LOXHD1: variants seen among roughly 807,000 people sequenced by gnomAD.
The protein encoded by LOXHD1 is lipoxygenase homology PLAT domains 1.
A neutral mutation model predicts 248.2 loss-of-function variants in LOXHD1; 205 were observed. The ratio of observed to expected loss-of-function variants is 0.83; its 90% CI spans 0.74 to 0.93. LOXHD1 has a LOEUF of 0.93. Ranked by LOEUF, LOXHD1 falls within the 40% of genes least tolerant of loss-of-function variation. The pLI, the probability that LOXHD1 is intolerant of heterozygous loss-of-function variation, is 0.00. For missense variants in LOXHD1, 2,930 were observed against 2,971.6 expected (o/e 0.99, Z 0.33); for synonymous variants, 1,113 against 1,162.8 (o/e 0.96, Z 0.87).
intron 2 of LOXHD1, among the ~76,000 whole-genome samples, chr18:46,647,339 G>T (rs1376482765): frequency 6.6e-6 from 1 of 152,172 alleles, no homozygotes; most frequent in African/African-American, 2.4e-5. Context: ...GGTGGCTCAG[G>T]GGCCCTTCCT....
intron 5 of LOXHD1, among the ~76,000 whole-genome samples, chr18:46,612,273 G>T (rs1291139624): frequency 6.6e-6 from 1 of 152,144 alleles, no homozygotes; most frequent in Non-Finnish European, 1.5e-5. Context: ...GAACCCTGAG[G>T]TGTGCTCATC....
At chr18:46,582,138 A>G (rs778811874) in intron 12 of LOXHD1, among the ~76,000 whole-genome samples, 1 of 152,196 alleles carries the variant, frequency 6.6e-6, no homozygotes, top group Non-Finnish European at 1.5e-5. Flanking sequence ...ATACATAGAA[A>G]ATATGCAAGT....
At chr18:46,478,050 C>A (rs933619813) in intron 40 of LOXHD1, 98 bp from the exon 41 acceptor site, 25 of 1,432,176 alleles carry the variant, frequency 1.7e-5, no homozygotes, top group African/African-American at 1.1e-4. Flanking sequence ...ATAAATGATC[C>A]CTTCCCAAGG....
At chr18:46,592,416 T>C (rs914593746) in intron 11 of LOXHD1, 82 bp downstream of exon 11, 1 of 1,211,288 alleles carries the variant, frequency 8.3e-7, no homozygotes, top group Non-Finnish European at 1.2e-6. Flanking sequence ...CAGAGGCAAA[T>C]TTATGTGACA....
intron 37 of LOXHD1, 50 bp from the exon 38 acceptor site, chr18:46,489,192 C>T (rs915395846): frequency 2.2e-5 from 34 of 1,537,486 alleles, no homozygotes; most frequent in Non-Finnish European, 2.6e-5. Context: ...CCTTCCCTCC[C>T]CTTTCAGACT....
intron 17 of LOXHD1, 80 bp downstream of exon 17, chr18:46,566,176 GC>G: frequency 7.0e-7 from 1 of 1,430,678 alleles, no homozygotes; most frequent in South Asian, 1.4e-5. Flanking sequence ...GACCTGCTTT[GC>G]CCCATGGTCC....
At chr18:46,478,525 A>G (rs1003103470) in intron 40 of LOXHD1, among the ~76,000 whole-genome samples, 5 of 152,192 alleles carry the variant, frequency 3.3e-5, no homozygotes, top group African/African-American at 1.2e-4. Flanking sequence ...TGAAGCAGCC[A>G]TGTGATCCTA....
chr18:46,587,449 C>T (rs2038082902), intron 12 of LOXHD1, among the ~76,000 whole-genome samples: 1 of 152,172 alleles, frequency 6.6e-6, no homozygotes, highest in Non-Finnish European at 1.5e-5. Context: ...AATTCCCATC[C>T]CTTTGGTTCT....
intron 26 of LOXHD1, among the ~76,000 whole-genome samples, chr18:46,537,929 C>T (rs1166832622): frequency 6.6e-6 from 1 of 152,242 alleles, no homozygotes; most frequent in African/African-American, 2.4e-5. Context: ...TGTCTCTCAT[C>T]ATTGCCTTTG....
intron 16 of LOXHD1, among the ~76,000 whole-genome samples, chr18:46,568,104 G>C (rs2037679673): frequency 6.6e-6 from 1 of 152,206 alleles, no homozygotes; most frequent in Non-Finnish European, 1.5e-5. Flanking sequence ...ACTAACATGA[G>C]ATCTTTCCCT....
intron 5 of LOXHD1, among the ~76,000 whole-genome samples, chr18:46,616,787 G>A (rs563803822): frequency 3.3e-5 from 5 of 152,218 alleles, no homozygotes; most frequent in Admixed American, 6.5e-5. Context: ...ACTATTCCAC[G>A]TGCTTATAAC....
chr18:46,628,138 C>T (rs2038770092), intron 4 of LOXHD1, among the ~76,000 whole-genome samples: 1 of 152,216 alleles, frequency 6.6e-6, no homozygotes, highest in African/African-American at 2.4e-5. Flanking sequence ...GAGCAAGGGG[C>T]TTAATTTCCC....
chr18:46,488,060 G>T (rs1384820140), intron 38 of LOXHD1, among the ~76,000 whole-genome samples: 1 of 152,218 alleles, frequency 6.6e-6, no homozygotes, highest in Admixed American at 6.5e-5. Context: ...AGCAGTGACT[G>T]TTCCATCCCT....
At chr18:46,634,786 G>A (rs2038871639) in intron 4 of LOXHD1, among the ~76,000 whole-genome samples, 1 of 152,168 alleles carries the variant, frequency 6.6e-6, no homozygotes, top group Admixed American at 6.5e-5. Context: ...AGGATCTCAG[G>A]GGTGGGGAAC....
intron 7 of LOXHD1, among the ~76,000 whole-genome samples, chr18:46,603,886 G>T (rs2038374964): frequency 6.6e-6 from 1 of 152,222 alleles, no homozygotes; most frequent in Non-Finnish European, 1.5e-5. Context: ...GCCCTGGGCA[G>T]TTAGTATCTG....
At chr18:46,545,097 T>G (rs2036739909) in intron 23 of LOXHD1, among the ~76,000 whole-genome samples, 1 of 152,040 alleles carries the variant, frequency 6.6e-6, no homozygotes, top group Non-Finnish European at 1.5e-5. Context: ...TTGGGTGGAG[T>G]CAGGGCTACC....
intron 21 of LOXHD1, among the ~76,000 whole-genome samples, chr18:46,550,678 C>T (rs1430287691): frequency 6.6e-6 from 1 of 150,500 alleles, no homozygotes; most frequent in Non-Finnish European, 1.5e-5. Flanking sequence ...GAAAAGCTTC[C>T]ATCAACCAGG....
chr18:46,483,831 C>A, intron 39 of LOXHD1, 86 bp from the exon 40 acceptor site: 1 of 1,457,472 alleles, frequency 6.9e-7, no homozygotes, highest in South Asian at 1.4e-5. Context: ...GCATTCCAAG[C>A]AGTGGGCCAG....
intron 26 of LOXHD1, among the ~76,000 whole-genome samples, chr18:46,535,581 TTTGTTGTTG>T (rs59194307): frequency 0.084 from 10,869 of 128,890 alleles, 507 homozygotes; most frequent in Non-Finnish European, 0.12. Flanking sequence ...TGCCTCTGTT[TTTGTTGTTG>T]TTGTTGTTGT....
Sources: gnomAD v4.1 joint callset for allele counts (sites outside exome capture counted in the v4.1 genomes callset) on GRCh38, gnomAD v4.1.1 for gene constraint, MANE v1.5 for transcripts, NCBI Gene and HGNC (gene_info 2026-07-23, HGNC 2026-07-21) for gene names.